CTNNA2: variants seen among roughly 807,000 people sequenced by gnomAD.
CTNNA2 encodes the protein catenin alpha-2.
CTNNA2 carries 42 observed loss-of-function variants against 101.0 expected under a neutral mutation model. The observed-to-expected ratio is 0.42, with a 90% CI of 0.32 to 0.54. The LOEUF is 0.54. CTNNA2 is among the 20% of genes least tolerant of loss of function. The probability of loss-of-function intolerance (pLI) is 0.14; values close to 1 mark genes in which losing one functional copy is unlikely to be tolerated. For synonymous variants in CTNNA2, 450 were observed against 456.4 expected (o/e 0.99, Z 0.18); for missense variants, 871 against 1,223.1 (o/e 0.71, Z 4.29).
At chr2:79,364,481 T>G (rs1259849027) in intron 3 of CTNNA2, among the ~76,000 whole-genome samples, 2 of 152,202 alleles carry the variant, frequency 1.3e-5, no homozygotes, top group African/African-American at 4.8e-5. Flanking sequence ...TTTTGCTAAC[T>G]AGCATGTTGT....
intron 2 of CTNNA2, among the ~76,000 whole-genome samples, chr2:79,239,933 T>C (rs1256678472): frequency 6.4e-5 from 6 of 93,178 alleles, no homozygotes; most frequent in Non-Finnish European, 1.5e-4. Context: ...TTTCTTTTTC[T>C]TTCTTTTTTT....
chr2:79,691,714 A>G (rs1393218987), intron 2 of CTNNA2, among the ~76,000 whole-genome samples: 1 of 152,070 alleles, frequency 6.6e-6, no homozygotes, highest in Non-Finnish European at 1.5e-5. Context: ...CCTCAGAAAT[A>G]AGCCACACAT....
intron 4 of CTNNA2, among the ~76,000 whole-genome samples, chr2:79,447,058 C>T (rs2104523701): frequency 6.6e-6 from 1 of 152,062 alleles, no homozygotes; most frequent in African/African-American, 2.4e-5. Flanking sequence ...CTTATAGGAT[C>T]CACTTATAGA....
At chr2:80,516,766 T>C (rs1478989655) in intron 9 of CTNNA2, among the ~76,000 whole-genome samples, 1 of 152,168 alleles carries the variant, frequency 6.6e-6, no homozygotes, top group Non-Finnish European at 1.5e-5. Flanking sequence ...CAGAATTTGG[T>C]CTCAAGTGAG....
chr2:79,443,902 T>TTCTCTCTCTCTCTCTCTCTCTC (rs1678802560), intron 4 of CTNNA2, among the ~76,000 whole-genome samples: 1 of 83,868 alleles, frequency 1.2e-5, no homozygotes, highest in East Asian at 5.4e-4. Flanking sequence ...TTTGTATACA[T>TTCTCTCTCTCTCTCTCTCTCTC]ACTCTCTCTC....
chr2:80,616,299 C>G (rs1210585822), intron 17 of CTNNA2: 1 of 151,716 alleles, frequency 6.6e-6, no homozygotes, highest in Non-Finnish European at 1.5e-5. Flanking sequence ...CAAAACATCT[C>G]TTTATCCGAG....
intron 2 of CTNNA2, among the ~76,000 whole-genome samples, chr2:79,241,303 A>G (rs1417258641): frequency 6.6e-6 from 1 of 152,236 alleles, no homozygotes; most frequent in Non-Finnish European, 1.5e-5. Context: ...TAGTGATGAA[A>G]ATGATATCAC....
intron 3 of CTNNA2, among the ~76,000 whole-genome samples, chr2:79,770,270 TTGCTTCCCTGTCTCAGTGCCTAACATTG>T (rs1386738883): frequency 1.3e-5 from 2 of 152,186 alleles, no homozygotes; most frequent in African/African-American, 4.8e-5. Context: ...GAGACGAGGA[TTGCTTCCCTGTCTCAGTGCCTAACATTG>T]TGCTATGTGT....
intron 2 of CTNNA2, among the ~76,000 whole-genome samples, chr2:79,218,350 T>TGTGTGTGTG (rs1553383232): frequency 1.3e-4 from 8 of 60,064 alleles, no homozygotes; most frequent in East Asian, 9.6e-4. Flanking sequence ...TGTGTGTGTG[T>TGTGTGTGTG]ATTTTTTTTT....
chr2:79,804,650 AT>A (rs202189710), intron 3 of CTNNA2, among the ~76,000 whole-genome samples: 19 of 137,110 alleles, frequency 1.4e-4, no homozygotes, highest in Admixed American at 6.5e-4. Flanking sequence ...GTAACCTACT[AT>A]TTTTTTTATA....
At chr2:80,217,858 G>C (rs1440481663) in intron 7 of CTNNA2, among the ~76,000 whole-genome samples, 2 of 152,166 alleles carry the variant, frequency 1.3e-5, no homozygotes, top group Non-Finnish European at 1.5e-5. Flanking sequence ...CTGCAGAGCA[G>C]AGCGCTCCCA....
chr2:80,348,894 C>T (rs1470409944), intron 7 of CTNNA2, among the ~76,000 whole-genome samples: 6 of 152,094 alleles, frequency 3.9e-5, no homozygotes, highest in Non-Finnish European at 5.9e-5. Flanking sequence ...CTAAGAGCTG[C>T]TGCTCTAGTC....
At chr2:79,347,254 A>G (rs2104434927) in intron 3 of CTNNA2, among the ~76,000 whole-genome samples, 1 of 152,282 alleles carries the variant, frequency 6.6e-6, no homozygotes, top group East Asian at 1.9e-4. Flanking sequence ...TTTCCAGAGA[A>G]ACTTTCCTCA....
intron 4 of CTNNA2, among the ~76,000 whole-genome samples, chr2:79,860,074 C>G (rs1420878852): frequency 6.6e-6 from 1 of 152,156 alleles, no homozygotes; most frequent in Non-Finnish European, 1.5e-5. Flanking sequence ...CAGTCTGTCT[C>G]TGTTATATCC....
chr2:79,944,844 A>G (rs920192821), intron 7 of CTNNA2, among the ~76,000 whole-genome samples: 2 of 152,102 alleles, frequency 1.3e-5, no homozygotes, highest in African/African-American at 4.8e-5. Context: ...TGTTTTAAAC[A>G]TTTCATTAAG....
chr2:79,754,209 G>C (rs923261277), intron 3 of CTNNA2, among the ~76,000 whole-genome samples: 1 of 152,066 alleles, frequency 6.6e-6, no homozygotes, highest in Non-Finnish European at 1.5e-5. Context: ...TTAAGTAAAT[G>C]ATGACCAATG....
In CTNNA2 at chr2:79,570,504, G is replaced by A. The variant is rs2103817534; in HGVS notation, c.-6+57297G>A. On this transcript the variant is annotated intron_variant, in intron 1 of 18. Transcript: ENST00000402739. ...ATAAGGGAATTAAGAATCTGTACAT[G>A]AAATTTGCCGATTGTAACCTATCAG... 1.3e-5 allele frequency among the ~76,000 whole-genome samples: 2 copies of A among 152,198 alleles called. 1 individual carries two copies. The highest frequency in any genetic ancestry group is 4.1e-4 in the South Asian group (2 of 4,824).
chr2:79,517,720 A>T (rs1025596316), intron 1 of CTNNA2, among the ~76,000 whole-genome samples: 1 of 152,180 alleles, frequency 6.6e-6, no homozygotes, highest in African/African-American at 2.4e-5. Context: ...ATAAATTTGC[A>T]TTATATACCT....
At chr2:79,683,461 C>T (rs1043177427) in intron 2 of CTNNA2, among the ~76,000 whole-genome samples, 7 of 152,220 alleles carry the variant, frequency 4.6e-5, no homozygotes, top group Admixed American at 3.3e-4. Flanking sequence ...TTGATGTAAG[C>T]ACCAAAACAC....
Sources: gnomAD v4.1 joint callset for allele counts (sites outside exome capture counted in the v4.1 genomes callset) on GRCh38, gnomAD v4.1.1 for gene constraint, MANE v1.5 for transcripts, NCBI Gene and HGNC (gene_info 2026-07-23, HGNC 2026-07-21) for gene names.